Variants in EVA1A observed in about 807,000 individuals in gnomAD.
The protein encoded by EVA1A is protein eva-1 homolog A.
EVA1A carries 7 observed loss-of-function variants against 9.8 expected under a neutral mutation model. That is an observed-to-expected ratio of 0.71 (90% confidence interval 0.41 to 1.34). The LOEUF (loss-of-function observed/expected upper bound fraction) is 1.34. Ranked by LOEUF, EVA1A falls within the 40% of genes most tolerant of loss-of-function variation. EVA1A has a pLI of 0.01. For synonymous variants in EVA1A, 90 were observed against 85.6 expected, an observed-to-expected ratio of 1.05 and a Z score of -0.28; for missense variants, 206 against 205.9, an observed-to-expected ratio of 1.00 and a Z score of 0.00.
chr2:75,511,653 G>A (rs1428771383), intron 3 of EVA1A, among the ~76,000 whole-genome samples: 1 of 152,118 alleles, frequency 6.6e-6, no homozygotes, highest in South Asian at 2.1e-4. Context: ...GATGGGTCAA[G>A]TTTGGGAACT....
chr2:75,546,716 A>G (rs1345626277), intron 1 of EVA1A, among the ~76,000 whole-genome samples: 2 of 152,130 alleles, frequency 1.3e-5, no homozygotes, highest in Admixed American at 1.3e-4. Context: ...GGGAACTCCT[A>G]ACTTCCAACA....
At chr2:75,534,803 T>G (rs1446567196) in intron 1 of EVA1A, among the ~76,000 whole-genome samples, 2 of 152,198 alleles carry the variant, frequency 1.3e-5, no homozygotes, top group Non-Finnish European at 1.5e-5. Context: ...TTTTGGGGTC[T>G]TAGTCACAAA....
chr2:75,533,919 C>T (rs1334269099), intron 1 of EVA1A, among the ~76,000 whole-genome samples: 1 of 151,972 alleles, frequency 6.6e-6, no homozygotes, highest in Non-Finnish European at 1.5e-5. Context: ...TCACGCCATT[C>T]TCCTGCCTCA....
chr2:75,538,049 G>A (rs1222999395), intron 1 of EVA1A, among the ~76,000 whole-genome samples: 1 of 152,146 alleles, frequency 6.6e-6, no homozygotes, highest in African/African-American at 2.4e-5. Flanking sequence ...CAGCACTTCG[G>A]GAGACTGAGG....
At chr2:75,516,936 C>T (rs1007788299) in intron 3 of EVA1A, among the ~76,000 whole-genome samples, 1 of 152,078 alleles carries the variant, frequency 6.6e-6, no homozygotes, top group African/African-American at 2.4e-5. Context: ...AGAAGGAGGC[C>T]CTGGACTTCC....
intron 3 of EVA1A, among the ~76,000 whole-genome samples, chr2:75,497,493 G>C (rs1674251111): frequency 6.6e-6 from 1 of 151,918 alleles, no homozygotes; most frequent in South Asian, 2.1e-4. Context: ...ATACCATCTC[G>C]CGCCAGTCAG....
upstream of EVA1A, among the ~76,000 whole-genome samples, chr2:75,561,630 G>A (rs1167070691): frequency 1.3e-5 from 2 of 152,086 alleles, no homozygotes; most frequent in Admixed American, 6.5e-5. Flanking sequence ...TGCAGGGAGA[G>A]AACAGGTCCC....
At position 75,555,912 on chromosome 2, in the gene EVA1A, C is replaced by G. The variant is rs143620543; in HGVS notation, c.-192+4768G>C. Among the ~76,000 whole-genome samples, 3 of 152,326 alleles carry G rather than the reference C, an allele frequency of 2.0e-5. No individual in the cohort carries two copies. In the East Asian group the frequency reaches 5.8e-4, roughly 29 times the overall value. On this transcript the variant is annotated intron_variant, in intron 1 of 3. Coordinates refer to ENST00000393913, the MANE Select transcript of EVA1A (RefSeq NM_001135032.2). ...CCCGCTTACACGTTAAGGCCAAGCT[C>G]AAACATCCTCTTCTCTCTGATGCCT...
At chr2:75,546,025 C>A (rs1676317286) in intron 1 of EVA1A, among the ~76,000 whole-genome samples, 1 of 151,984 alleles carries the variant, frequency 6.6e-6, no homozygotes, top group African/African-American at 2.4e-5. Flanking sequence ...TGGGGAAGAG[C>A]AAGTGGATGA....
chr2:75,503,071 T>C (rs1442608370), intron 3 of EVA1A, among the ~76,000 whole-genome samples: 1 of 152,150 alleles, frequency 6.6e-6, no homozygotes, highest in African/African-American at 2.4e-5. Context: ...CCCTTTTGTC[T>C]CTAGCATCCG....
chr2:75,517,789 C>A (rs904600294), intron 3 of EVA1A: 1 of 718,744 alleles, frequency 1.4e-6, no homozygotes, highest in Admixed American at 2.0e-5. Context: ...CCAACAGTAG[C>A]CCTGGGCCAC....
chr2:75,547,336 G>A lies in EVA1A; in HGVS notation c.-192+13344C>T, dbSNP rs552468832. Among the ~76,000 whole-genome samples the A allele has an allele frequency of 2.0e-5, 3 of 152,230 alleles. No individual in the cohort carries two copies. In the South Asian group the frequency reaches 6.2e-4, roughly 32 times the overall value. On this transcript the variant is annotated intron_variant, in intron 1 of 3. Coordinates refer to ENST00000393913, the MANE Select transcript of EVA1A (RefSeq NM_001135032.2). ...TGGTACAGGCTTTGACACCAGACCT[G>A]GGTTAAATCTTAGCTCCATTTACCA...
intron 1 of EVA1A, among the ~76,000 whole-genome samples, chr2:75,548,084 A>G (rs1221452862): frequency 6.6e-6 from 1 of 152,062 alleles, no homozygotes; most frequent in African/African-American, 2.4e-5. Flanking sequence ...CTCATAAAAA[A>G]CCTACATTGA....
chr2:75,528,230 A>G (rs895464495), intron 1 of EVA1A, among the ~76,000 whole-genome samples: 1 of 152,188 alleles, frequency 6.6e-6, no homozygotes, highest in Non-Finnish European at 1.5e-5. Context: ...ATTTTGATCA[A>G]GTATGAATTT....
upstream of EVA1A, among the ~76,000 whole-genome samples, chr2:75,562,791 G>T (rs1336122383): frequency 6.6e-6 from 1 of 152,228 alleles, no homozygotes; most frequent in African/African-American, 2.4e-5. Context: ...ACGTGTGTTA[G>T]CCAAGGGCAC....
At chr2:75,525,305 A>G (rs6720653) in intron 1 of EVA1A, among the ~76,000 whole-genome samples, 31,214 of 151,996 alleles carry the variant, frequency 0.21, 3,335 homozygotes, top group East Asian at 0.28. Flanking sequence ...CCTTTGCTCA[A>G]CCTCCACTGT....
At chr2:75,505,041 C>A (rs761181429) in intron 3 of EVA1A, among the ~76,000 whole-genome samples, 2 of 152,182 alleles carry the variant, frequency 1.3e-5, no homozygotes, top group African/African-American at 4.8e-5. Flanking sequence ...CATTGCCCTG[C>A]CCCTCCTCCC....
chr2:75,514,390 A>G (rs945488574), intron 3 of EVA1A, among the ~76,000 whole-genome samples: 2 of 152,172 alleles, frequency 1.3e-5, no homozygotes, highest in Admixed American at 1.3e-4. Flanking sequence ...GCACAACCAA[A>G]TAGTTATTTT....
intron 2 of EVA1A, among the ~76,000 whole-genome samples, 163 bp from the exon 3 acceptor site, chr2:75,518,371 T>G (rs934115565): frequency 6.6e-6 from 1 of 152,130 alleles, no homozygotes; most frequent in African/African-American, 2.4e-5. Flanking sequence ...CCCACTTTTT[T>G]GGGGGTATAG....
Sources: gnomAD v4.1 joint callset for allele counts (sites outside exome capture counted in the v4.1 genomes callset) on GRCh38, gnomAD v4.1.1 for gene constraint, MANE v1.5 for transcripts, NCBI Gene and HGNC (gene_info 2026-07-23, HGNC 2026-07-21) for gene names.